Variants in ADAMTS2 observed in about 807,000 individuals in gnomAD.
ADAMTS2 encodes the protein ADAM metallopeptidase with thrombospondin type 1 motif 2.
In ADAMTS2, 50 loss-of-function variants were observed where a neutral mutation model predicts 123.0. That is an observed-to-expected ratio of 0.41 (90% CI 0.32 to 0.51). ADAMTS2 has a LOEUF of 0.51. Ranked by LOEUF, ADAMTS2 falls within the 20% of genes least tolerant of loss-of-function variation. ADAMTS2 has a pLI of 0.35. For missense variants in ADAMTS2, 1,494 were observed against 1,705.2 expected, an observed-to-expected ratio of 0.88 and a Z score of 2.18; for synonymous variants, 678 against 695.4, an observed-to-expected ratio of 0.98 and a Z score of 0.39.
At chr5:179,156,876 G>T (rs1161247653) in intron 6 of ADAMTS2, among the ~76,000 whole-genome samples, 1 of 149,748 alleles carries the variant, frequency 6.7e-6, no homozygotes, top group Non-Finnish European at 1.5e-5. Context: ...TTACATCTTG[G>T]TCCATCTTTT....
chr5:179,187,745 C>G (rs560802856), intron 4 of ADAMTS2, among the ~76,000 whole-genome samples: 1 of 152,204 alleles, frequency 6.6e-6, no homozygotes, highest in African/African-American at 2.4e-5. Context: ...GAAATTGATC[C>G]TGGAATCTTT....
At position 179,234,290 on chromosome 5, in the gene ADAMTS2, A is replaced by G. The variant is rs1283711389; in HGVS notation, c.689-26575T>C. Among the ~76,000 whole-genome samples the G allele has an allele frequency of 6.6e-6, 1 of 152,084 alleles. No homozygotes were observed. The highest frequency in any genetic ancestry group is 1.5e-5 in the Non-Finnish European group (1 of 67,992). On this transcript the variant is annotated intron_variant, in intron 3 of 21. Transcript: ENST00000251582. This position sits in a 1 kb window ranked among gnomAD's most constrained non-coding sequence, Gnocchi z 4.7. ...GAATTCACCCAGGTGGGCAGTCCTC[A>G]GGTGACTTCTCCAGCTCTGCATGGA...
chr5:179,125,847 C>T (rs1581139176), intron 18 of ADAMTS2, 151 bp downstream of exon 18: 7 of 1,226,084 alleles, frequency 5.7e-6, no homozygotes, highest in Non-Finnish European at 8.1e-6. Flanking sequence ...TTCTGCCCTG[C>T]AGCATCTTAG....
rs540235265 is a variant in ADAMTS2 at position 179,129,353 on chromosome 5, A to G, written c.2457+579T>C. 6.6e-6 allele frequency among the ~76,000 whole-genome samples: 1 copy of G among 152,196 alleles called. No homozygotes were observed. The highest frequency in any genetic ancestry group is 1.5e-5 in the Non-Finnish European group (1 of 68,030). On this transcript the variant is annotated intron_variant, in intron 16 of 21. Coordinates refer to ENST00000251582, the MANE Select transcript of ADAMTS2 (RefSeq NM_014244.5). The surrounding 1 kb of genome is among the most constrained non-coding windows in gnomAD (Gnocchi z 4.1). The stretch of plus-strand genomic sequence containing the variant: ...TGCCCACCTTAGGGAGGGGCTCCAG[A>G]GCATGGGAGCCTTATTTGTGATATG...
At chr5:179,176,256 G>A (rs1325477572) in intron 5 of ADAMTS2, among the ~76,000 whole-genome samples, 1 of 152,224 alleles carries the variant, frequency 6.6e-6, no homozygotes, top group East Asian at 1.9e-4. Flanking sequence ...GGGCCGTCAC[G>A]CCCTTGCCCT....
At chr5:179,145,837 T>C (rs1428145423) in intron 10 of ADAMTS2, among the ~76,000 whole-genome samples, 2 of 152,204 alleles carry the variant, frequency 1.3e-5, no homozygotes, top group African/African-American at 2.4e-5. Context: ...ATCACTGAAT[T>C]GTACACTCTC....
chr5:179,298,852 C>T (rs560374118), intron 2 of ADAMTS2, among the ~76,000 whole-genome samples: 39 of 152,290 alleles, frequency 2.6e-4, no homozygotes, highest in African/African-American at 4.3e-4. Flanking sequence ...TAGGAATCAA[C>T]GCAAAGCTTA....
At chr5:179,327,312 G>A (rs576485496) in intron 2 of ADAMTS2, among the ~76,000 whole-genome samples, 1 of 152,262 alleles carries the variant, frequency 6.6e-6, no homozygotes, top group Non-Finnish European at 1.5e-5. Flanking sequence ...GGGCTCCTCA[G>A]TCCACATTCA....
chr5:179,156,501 A>G (rs1763474602), intron 6 of ADAMTS2, among the ~76,000 whole-genome samples: 1 of 151,938 alleles, frequency 6.6e-6, no homozygotes, highest in East Asian at 1.9e-4. Flanking sequence ...CTGGGACTAC[A>G]GGCACCCGCC....
intron 2 of ADAMTS2, among the ~76,000 whole-genome samples, chr5:179,315,688 A>C (rs1193152386): frequency 6.6e-6 from 1 of 152,210 alleles, no homozygotes; most frequent in African/African-American, 2.4e-5. Flanking sequence ...TCCAGAGACA[A>C]AGCACAGCCC....
chr5:179,328,431 A>G (rs1206614277), intron 2 of ADAMTS2, among the ~76,000 whole-genome samples: 1 of 152,266 alleles, frequency 6.6e-6, no homozygotes, highest in Non-Finnish European at 1.5e-5. Flanking sequence ...GGGAAGATGC[A>G]GGTCATTGGG....
chr5:179,237,507 C>A (rs573885838), intron 3 of ADAMTS2, among the ~76,000 whole-genome samples: 1 of 152,116 alleles, frequency 6.6e-6, no homozygotes, highest in African/African-American at 2.4e-5. Flanking sequence ...GTGGTAGCAG[C>A]CTCTACTGAC....
chr5:179,132,330 A>T lies in ADAMTS2; in HGVS notation c.2210-20T>A. The stretch of plus-strand genomic sequence containing the variant: ...TGTAACCTTTTTTTGATGTGGAAAG[A>T]CACAGAAAACTGAGAAGGGAAGGCG... On this transcript the variant is annotated intron_variant, in intron 14 of 21. Coordinates refer to ENST00000251582, the MANE Select transcript of ADAMTS2 (RefSeq NM_014244.5). The surrounding 1 kb of genome is among the most constrained non-coding windows in gnomAD (Gnocchi z 6.1). 1 of 1,612,198 alleles carries T rather than the reference A, an allele frequency of 6.2e-7. No individual in the cohort carries two copies. Among genetic ancestry groups the T allele is most frequent in the Non-Finnish European group, 8.5e-7 (1 of 1,178,396 alleles).
intron 3 of ADAMTS2, among the ~76,000 whole-genome samples, chr5:179,218,894 A>T (rs1315501839): frequency 6.6e-6 from 1 of 152,124 alleles, no homozygotes; most frequent in African/African-American, 2.4e-5. Flanking sequence ...GACAAAGGAC[A>T]CCCCTCAGTG....
rs1183262640 is a variant in ADAMTS2, at chr5:179,189,655, C to A, written c.892-8500G>T. 6.6e-6 allele frequency among the ~76,000 whole-genome samples: 1 copy of A among 151,420 alleles called. No homozygotes were observed. Among genetic ancestry groups the A allele is most frequent in the Non-Finnish European group, 1.5e-5 (1 of 67,912 alleles). On this transcript the variant is annotated intron_variant, in intron 4 of 21. Coordinates refer to ENST00000251582, the MANE Select transcript of ADAMTS2 (RefSeq NM_014244.5). This position sits in a 1 kb window ranked among gnomAD's most constrained non-coding sequence, Gnocchi z 4.2. ...TACAGGCGTGAGCCACCGCGCCCGG[C>A]CAGGAGCAATTTTTTGTGGGCTGGG... is the stretch of plus-strand genomic sequence containing the variant.
At chr5:179,150,494 C>T (rs1581154036) in intron 10 of ADAMTS2, among the ~76,000 whole-genome samples, 1 of 152,298 alleles carries the variant, frequency 6.6e-6, no homozygotes, top group East Asian at 1.9e-4. Context: ...GCGTGACTCA[C>T]GACGGCCAAA....
chr5:179,250,924 C>T (rs555888228), intron 3 of ADAMTS2, among the ~76,000 whole-genome samples: 1 of 152,350 alleles, frequency 6.6e-6, no homozygotes, highest in African/African-American at 2.4e-5. Context: ...AGTGGAGCCC[C>T]AGCTGAAACA....
Position 179,256,524 on chromosome 5 carries a change from G to A in ADAMTS2, c.688+16387C>T, listed in dbSNP as rs1766055943. On this transcript the variant is annotated intron_variant, in intron 3 of 21. Transcript: ENST00000251582. The surrounding 1 kb of genome is among the most constrained non-coding windows in gnomAD (Gnocchi z 4.1). ...ACCATGGGTGTGTGCATGCCTGCGTGTGTGTGAGAGAGAGAGAGGAGAGAG... is the reference window on the plus strand; with the variant it reads ...ACCATGGGTGTGTGCATGCCTGCGTATGTGTGAGAGAGAGAGAGGAGAGAG... Among the ~76,000 whole-genome samples the A allele has an allele frequency of 7.5e-6, 1 of 132,960 alleles. No individual in the cohort carries two copies. The highest frequency in any genetic ancestry group is 1.8e-5 in the Non-Finnish European group (1 of 56,134). 87.2% of individuals were successfully genotyped at this position (132,960 alleles called of 152,430 possible). A position where few individuals can be genotyped will look rare whatever the true frequency, so the allele number is the denominator to read the frequency against.
rs1762689908 is a variant in ADAMTS2, at chr5:179,117,866, AC to A, written c.3179-3543del. 6.6e-6 allele frequency among the ~76,000 whole-genome samples: 1 copy of A among 152,102 alleles called. No individual in the cohort carries two copies. The highest frequency in any genetic ancestry group is 2.1e-4 in the South Asian group (1 of 4,828). ...ATTTCTTATCTGTGGCTGCTTTCCC[AC>A]TATAAAGGCAGAGCTGAGTCCTGTG... On this transcript the variant is annotated intron_variant, in intron 21 of 21. Coordinates refer to ENST00000251582, the MANE Select transcript of ADAMTS2 (RefSeq NM_014244.5). This position sits in a 1 kb window ranked among gnomAD's most constrained non-coding sequence, Gnocchi z 4.2.
Sources: allele counts gnomAD v4.1 joint callset (sites outside exome capture counted in the v4.1 genomes callset), GRCh38; gene constraint gnomAD v4.1.1; non-coding constraint Gnocchi (gnomAD v3.1); transcripts MANE v1.5; gene names NCBI Gene and HGNC (gene_info 2026-07-23, HGNC 2026-07-21).